The following DCTN6 variants were observed in gnomAD, a reference collection of about 807,000 sequenced individuals.
DCTN6 encodes the protein dynactin 6.
Under a neutral mutation model 25.8 loss-of-function variants are expected in DCTN6, and 15 were observed. The ratio of observed to expected loss-of-function variants is 0.58; its 90% CI spans 0.39 to 0.89. The LOEUF (loss-of-function observed/expected upper bound fraction) is 0.89, where lower values mean the gene tolerates loss of function less well. Ranked by LOEUF, DCTN6 falls within the 40% of genes least tolerant of loss-of-function variation. DCTN6 has a pLI of 0.00. For missense variants in DCTN6, 198 were observed against 237.6 expected (o/e 0.83, Z 1.09); for synonymous variants, 64 against 78.3 (o/e 0.82, Z 0.96).
At chr8:30,169,569 C>T (rs754164672) in intron 2 of DCTN6, among the ~76,000 whole-genome samples, 1 of 152,182 alleles carries the variant, frequency 6.6e-6, no homozygotes, top group Non-Finnish European at 1.5e-5. Context: ...CAAACTACCC[C>T]GCCAGAAGGA....
rs200264812 is a variant in DCTN6, at chr8:30,179,420, T to C, written c.296T>C (p.Met99Thr). 1 of 1,612,464 alleles carries C rather than the reference T, an allele frequency of 6.2e-7. No homozygotes were observed. Residue 99 changes from methionine (M) to threonine (T), a missense_variant, in exon 5 of 7, where the codon ATG becomes ACG. By Grantham distance (81) the Met-to-Thr change is moderately conservative (BLOSUM62 -1). Coordinates refer to ENST00000221114, the MANE Select transcript of DCTN6 (RefSeq NM_006571.4). Reference protein sequence around the residue: ...VFEVGCYSQAMKMGDNNVIES... With the variant: ...VFEVGCYSQATKMGDNNVIES... ...CTCTGGCTTACAGATTCCCAAGCCA[T>C]GAAGATGGGAGATAATAATGTCATT...
chr8:30,173,678 T>A (rs936306213), intron 2 of DCTN6, among the ~76,000 whole-genome samples: 1 of 149,628 alleles, frequency 6.7e-6, no homozygotes, highest in East Asian at 2.0e-4. Flanking sequence ...TGGAGGGAGT[T>A]ATGATCACAC....
intron 2 of DCTN6, among the ~76,000 whole-genome samples, chr8:30,169,058 T>A (rs1238230201): frequency 6.6e-6 from 1 of 152,236 alleles, no homozygotes; most frequent in African/African-American, 2.4e-5. Context: ...CATCAGTATG[T>A]GAAGGCGGAA....
At chr8:30,167,280 T>TG (rs1229458269) in intron 2 of DCTN6, among the ~76,000 whole-genome samples, 1 of 151,950 alleles carries the variant, frequency 6.6e-6, no homozygotes, top group Non-Finnish European at 1.5e-5. Context: ...GATGACAGTG[T>TG]GAGACCCTGT....
chr8:30,168,077 C>A (rs1255430496), intron 2 of DCTN6, among the ~76,000 whole-genome samples: 1 of 152,164 alleles, frequency 6.6e-6, no homozygotes, highest in South Asian at 2.1e-4. Flanking sequence ...GTTATATTTA[C>A]TTTGACCCAG....
At chr8:30,177,546 T>C in intron 4 of DCTN6, 1 of 160,568 alleles carries the variant, frequency 6.2e-6, no homozygotes, top group Non-Finnish European at 1.4e-5. Context: ...ATCTCTACTA[T>C]TAAAAAAAAA....
chr8:30,183,077 C>T lies in DCTN6; in HGVS notation c.477C>T (p.Pro159=), dbSNP rs1206854262. ...CCTTAATTACCTTATCTTTTTAGCCCCAGACACTACAGCTGGATTTCTTGA... is the reference window on the plus strand; with the variant it reads ...CCTTAATTACCTTATCTTTTTAGCCTCAGACACTACAGCTGGATTTCTTGA... ...LRRVQTERPQ[P]QTLQLDFLMK... is the part of the protein sequence containing the mutation. Residue 159 remains proline, a splice_region_variant and synonymous_variant, in exon 7 of 7, where the codon CCC becomes CCT. Coordinates refer to ENST00000221114, the MANE Select transcript of DCTN6 (RefSeq NM_006571.4). 6.2e-7 allele frequency: 1 copy of T among 1,613,848 alleles called. No homozygotes were observed. Among genetic ancestry groups the T allele is most frequent in the African/African-American group, 1.3e-5 (1 of 74,994 alleles).
intron 2 of DCTN6, among the ~76,000 whole-genome samples, chr8:30,174,091 G>T (rs1803799413): frequency 6.6e-6 from 1 of 152,226 alleles, no homozygotes; most frequent in African/African-American, 2.4e-5. Context: ...TTCAATTCGA[G>T]ACTAGAGGCA....
intron 1 of DCTN6, among the ~76,000 whole-genome samples, chr8:30,158,161 G>A (rs1018630190): frequency 1.3e-5 from 2 of 152,172 alleles, no homozygotes; most frequent in Non-Finnish European, 2.9e-5. Flanking sequence ...TCTCCCTTGG[G>A]CGTAAAACTG....
chr8:30,180,903 C>T, intron 6 of DCTN6: 1 of 487,644 alleles, frequency 2.1e-6, no homozygotes, highest in Non-Finnish European at 3.6e-6. Flanking sequence ...TGTGGTGGGG[C>T]ATGACTATAG....
intron 1 of DCTN6, among the ~76,000 whole-genome samples, chr8:30,161,205 T>C (rs1173066942): frequency 2.0e-5 from 3 of 152,162 alleles, no homozygotes; most frequent in African/African-American, 7.2e-5. Context: ...GTGAAGAAGG[T>C]GTCTGCTTCC....
chr8:30,164,001 C>CT (rs942482693), intron 1 of DCTN6, 110 bp from the exon 2 acceptor site: 12 of 1,041,954 alleles, frequency 1.2e-5, no homozygotes, highest in African/African-American at 7.9e-5. Flanking sequence ...TGCGCCTGGC[C>CT]TTTTTTTCCA....
chr8:30,168,826 A>T (rs1803722789), intron 2 of DCTN6, among the ~76,000 whole-genome samples: 1 of 152,234 alleles, frequency 6.6e-6, no homozygotes, highest in Non-Finnish European at 1.5e-5. Context: ...GTTCAGAGAC[A>T]GAGCTTGGGA....
In DCTN6 at chr8:30,183,167, G is replaced by T; in HGVS notation, c.567G>T (p.Lys189Asn). The T allele has an allele frequency of 6.2e-7, 1 of 1,612,890 alleles. No individual in the cohort carries two copies. Among genetic ancestry groups the T allele is most frequent in the South Asian group, 1.1e-5 (1 of 91,038 alleles). The stretch of plus-strand genomic sequence containing the variant: ...TGAAAGGAAGCTCAACTCCAGTAAA[G>T]AACTAAGAACAGTGTATAACATGAA... ...KTMKGSSTPV[K>N]N The change falls in exon 7 of 7, where the codon AAG becomes AAT. Residue 189 changes from lysine to asparagine, a missense_variant. Physicochemically the swap from Lys to Asn is moderately conservative, Grantham distance 94. Transcript: ENST00000221114.
intron 2 of DCTN6, among the ~76,000 whole-genome samples, chr8:30,167,123 G>T (rs1237350938): frequency 1.3e-5 from 2 of 151,380 alleles, no homozygotes; most frequent in Admixed American, 1.3e-4. Context: ...GAAAGGGAAG[G>T]AAGGAAGGAG....
chr8:30,167,801 C>T (rs973063791), intron 2 of DCTN6, among the ~76,000 whole-genome samples: 1 of 151,884 alleles, frequency 6.6e-6, no homozygotes, highest in Non-Finnish European at 1.5e-5. Context: ...TGGGTTCAAG[C>T]GATTCTTGTG....
chr8:30,183,398 GA>G lies in DCTN6; in HGVS notation c.*226del, dbSNP rs1803935790. The G allele has an allele frequency of 2.9e-6, 1 of 343,214 alleles. No individual in the cohort carries two copies. Among genetic ancestry groups the G allele is most frequent in the Non-Finnish European group, 5.2e-6 (1 of 190,792 alleles). The allele number at this position is 343,214 out of a possible 1,614,324, so 21.3% of individuals were successfully genotyped here. On this transcript the variant is annotated 3_prime_UTR_variant, in exon 7 of 7. Coordinates refer to ENST00000221114, the MANE Select transcript of DCTN6 (RefSeq NM_006571.4). ...CTTGGTTCTTTTCTGATAATTTACA[GA>G]TTTAGCTTTTCTTTTGTTATATAAA...
chr8:30,166,543 C>G (rs1803678401), intron 2 of DCTN6, among the ~76,000 whole-genome samples: 1 of 151,846 alleles, frequency 6.6e-6, no homozygotes, highest in African/African-American at 2.4e-5. Context: ...TATACACAGG[C>G]ATTATGTGGT....
chr8:30,173,381 G>A (rs35461544), intron 2 of DCTN6, among the ~76,000 whole-genome samples: 43,499 of 152,016 alleles, frequency 0.29, 6,999 homozygotes, highest in East Asian at 0.76. Flanking sequence ...ATTTATTTTT[G>A]TTGCCCCATA....
Sources: gnomAD v4.1 joint callset for allele counts (sites outside exome capture counted in the v4.1 genomes callset) on GRCh38, gnomAD v4.1.1 for gene constraint, MANE v1.5 for transcripts, NCBI Gene and HGNC (gene_info 2026-07-23, HGNC 2026-07-21) for gene names.